REEP1: variants seen among roughly 807,000 people sequenced by gnomAD.
REEP1 encodes receptor expression-enhancing protein 1.
REEP1 carries 22 observed loss-of-function variants against 40.3 expected under a neutral mutation model. That is an observed-to-expected ratio of 0.55 (90% CI 0.39 to 0.78). The LOEUF (loss-of-function observed/expected upper bound fraction) is 0.78. Among genes scored for constraint, REEP1 ranks in the 30% least tolerant of loss-of-function variants. The pLI, the probability that REEP1 is intolerant of heterozygous loss-of-function variation, is 0.00. For synonymous variants in REEP1, 116 were observed against 139.2 expected, an observed-to-expected ratio of 0.83 and a Z score of 1.17; for missense variants, 280 against 361.1, an observed-to-expected ratio of 0.78 and a Z score of 1.82.
At chr2:86,284,777 G>T (rs1001327470) in intron 1 of REEP1, among the ~76,000 whole-genome samples, 5 of 152,172 alleles carry the variant, frequency 3.3e-5, no homozygotes, top group African/African-American at 1.2e-4. Context: ...CCTCTGAATG[G>T]TCACAGAGCA....
rs571921361 is a variant in REEP1 at position 86,254,559 on chromosome 2, C to A, written c.303+135G>T. 3 of 858,168 alleles carry A rather than the reference C, an allele frequency of 3.5e-6. No individual in the cohort carries two copies. The South Asian group carries it at 4.7e-5, about 13-fold the overall frequency. The allele number at this position is 858,168 out of a possible 1,614,324, so 53.2% of individuals were successfully genotyped here. A position where few individuals can be genotyped will look rare whatever the true frequency, so the allele number is the denominator to read the frequency against. ...GTCTCAGAAATACACTTAAAAAAAA[C>A]GATTAGGAGGAATGACTTGCTGGAG... is the stretch of plus-strand genomic sequence containing the variant. On this transcript the variant is annotated intron_variant, in intron 4 of 8. Coordinates refer to ENST00000538924, the MANE Select transcript of REEP1 (RefSeq NM_001371279.1).
In REEP1 at chr2:86,259,300, T is replaced by G. The variant is rs190052008; in HGVS notation, c.183-4486A>C. Reference sequence around the variant, plus strand: ...CAGTGGTACTTCTAGGGAGGGAGACTGTGGGTCTGGGAGAAGAGAGACACT... The same window carrying G: ...CAGTGGTACTTCTAGGGAGGGAGACGGTGGGTCTGGGAGAAGAGAGACACT... On this transcript the variant is annotated intron_variant, in intron 3 of 8. Transcript: ENST00000538924. 3.9e-5 allele frequency among the ~76,000 whole-genome samples: 6 copies of G among 152,048 alleles called. No homozygotes were observed. In the East Asian group the frequency reaches 9.7e-4, roughly 25 times the overall value.
At chr2:86,219,223 C>CCCTTCACTAACATTTCATGAAT (rs1355377784) in intron 8 of REEP1, among the ~76,000 whole-genome samples, 1 of 152,186 alleles carries the variant, frequency 6.6e-6, no homozygotes, top group Non-Finnish European at 1.5e-5. Context: ...TACTTTATAC[C>CCCTTCACTAACATTTCATGAAT]AGGCACTATA....
At chr2:86,313,182 T>C (rs933693397) in intron 1 of REEP1, among the ~76,000 whole-genome samples, 1 of 152,052 alleles carries the variant, frequency 6.6e-6, no homozygotes, top group Non-Finnish European at 1.5e-5. Flanking sequence ...CAATCACAGC[T>C]CACTGCAGCC....
At chr2:86,285,784 C>A (rs1863061) in intron 1 of REEP1, among the ~76,000 whole-genome samples, 11 of 152,052 alleles carry the variant, frequency 7.2e-5, no homozygotes, top group Non-Finnish European at 1.5e-4. Flanking sequence ...GAGTAACAAG[C>A]AATTTCAATC....
chr2:86,255,526 G>C (rs1283544189), intron 3 of REEP1, among the ~76,000 whole-genome samples: 1 of 152,132 alleles, frequency 6.6e-6, no homozygotes, highest in Admixed American at 6.5e-5. Flanking sequence ...TCCCCCCACA[G>C]GCAGGCACCC....
intron 1 of REEP1, among the ~76,000 whole-genome samples, chr2:86,325,926 C>T (rs969924550): frequency 2.0e-5 from 3 of 152,218 alleles, no homozygotes; most frequent in Non-Finnish European, 4.4e-5. Context: ...ACTTAGCACA[C>T]CCTGTCCTCT....
chr2:86,318,380 G>GTTTTC (rs200585932), intron 1 of REEP1, among the ~76,000 whole-genome samples: 4 of 141,242 alleles, frequency 2.8e-5, no homozygotes, highest in East Asian at 2.0e-4. Context: ...GGAAAAAGTA[G>GTTTTC]TTTTCTTTTC....
At chr2:86,293,110 G>T (rs374001423) in intron 1 of REEP1, among the ~76,000 whole-genome samples, 2 of 152,016 alleles carry the variant, frequency 1.3e-5, no homozygotes, top group Non-Finnish European at 2.9e-5. Context: ...TTGTTTGTTC[G>T]TTCATCCAAC....
intron 2 of REEP1, among the ~76,000 whole-genome samples, chr2:86,271,733 A>AG (rs1270600241): frequency 1.3e-5 from 2 of 152,204 alleles, no homozygotes; most frequent in African/African-American, 2.4e-5. Flanking sequence ...ACTCCTTAGC[A>AG]GGGGGCAAAT....
At chr2:86,229,704 G>A (rs781764736) in intron 6 of REEP1, among the ~76,000 whole-genome samples, 4 of 143,578 alleles carry the variant, frequency 2.8e-5, no homozygotes, top group Non-Finnish European at 4.5e-5. Flanking sequence ...CCGCCTCCCC[G>A]ATTCAAGCGA....
At chr2:86,328,476 C>T (rs1365142145) in intron 1 of REEP1, among the ~76,000 whole-genome samples, 2 of 152,120 alleles carry the variant, frequency 1.3e-5, no homozygotes, top group East Asian at 1.9e-4. Context: ...GTCAGGAGAT[C>T]GAGACCATCC....
At chr2:86,296,267 TCC>T (rs1343762847) in intron 1 of REEP1, among the ~76,000 whole-genome samples, 1 of 152,230 alleles carries the variant, frequency 6.6e-6, no homozygotes, top group Non-Finnish European at 1.5e-5. Flanking sequence ...GCAGTTTATA[TCC>T]ATTTGCACAT....
chr2:86,298,649 T>C (rs949128311), intron 1 of REEP1, among the ~76,000 whole-genome samples: 3 of 152,222 alleles, frequency 2.0e-5, no homozygotes, highest in African/African-American at 4.8e-5. Flanking sequence ...CTGGGCCCTC[T>C]ACCCTCCACC....
intron 2 of REEP1, among the ~76,000 whole-genome samples, chr2:86,280,274 C>G (rs1469513283): frequency 6.6e-6 from 1 of 152,216 alleles, no homozygotes; most frequent in Non-Finnish European, 1.5e-5. Flanking sequence ...CTTGCACGTT[C>G]CCTACTGGGA....
At chr2:86,291,159 C>T (rs1427037933) in intron 1 of REEP1, among the ~76,000 whole-genome samples, 1 of 152,162 alleles carries the variant, frequency 6.6e-6, no homozygotes, top group Non-Finnish European at 1.5e-5. Context: ...CTCCTCACTG[C>T]TATGACACAC....
chr2:86,280,533 A>C (rs1678020681), intron 2 of REEP1, among the ~76,000 whole-genome samples: 1 of 152,228 alleles, frequency 6.6e-6, no homozygotes, highest in African/African-American at 2.4e-5. Context: ...CACAGATTGC[A>C]GGCGGGAAAG....
chr2:86,328,744 G>A (rs1269496834), intron 1 of REEP1, among the ~76,000 whole-genome samples: 3 of 152,194 alleles, frequency 2.0e-5, no homozygotes, highest in African/African-American at 7.2e-5. Context: ...TTGTGACAGG[G>A]GTGTGGCTTG....
At chr2:86,254,859 A>G (rs1389308304) in intron 3 of REEP1, 45 bp from the exon 4 acceptor site, 1 of 1,608,092 alleles carries the variant, frequency 6.2e-7, no homozygotes, top group East Asian at 2.2e-5. Context: ...GTTCTCAGCA[A>G]CACTGCCCTT....
Sources: gnomAD v4.1 joint callset for allele counts (sites outside exome capture counted in the v4.1 genomes callset) on GRCh38, gnomAD v4.1.1 for gene constraint, MANE v1.5 for transcripts, NCBI Gene and HGNC (gene_info 2026-07-23, HGNC 2026-07-21) for gene names.